The following CSMD1 variants were observed in gnomAD, a reference collection of about 807,000 sequenced individuals.
CSMD1 encodes the protein CUB and sushi domain-containing protein 1.
CSMD1 carries 213 observed loss-of-function variants against 417.5 expected under a neutral mutation model. The ratio of observed to expected loss-of-function variants is 0.51; its 90% CI spans 0.46 to 0.57. CSMD1 has a LOEUF of 0.57. Among genes scored for constraint, CSMD1 ranks in the 20% least tolerant of loss-of-function variants. CSMD1 has a pLI of 0.00. For synonymous variants in CSMD1, 2,862 were observed against 1,736.8 expected (o/e 1.65, Z -16.11); for missense variants, 6,923 against 4,529.7 (o/e 1.53, Z -15.17).
At chr8:4,796,161 G>T (rs1466706173) in intron 1 of CSMD1, among the ~76,000 whole-genome samples, 1 of 151,802 alleles carries the variant, frequency 6.6e-6, no homozygotes, top group Non-Finnish European at 1.5e-5. Context: ...CATCAAGGTG[G>T]TTTCGACAAT....
chr8:3,921,709 C>T (rs1448576102), intron 5 of CSMD1, among the ~76,000 whole-genome samples: 2 of 152,070 alleles, frequency 1.3e-5, no homozygotes, highest in Admixed American at 1.3e-4. Context: ...TTCCTCCTCT[C>T]CCTGATTTTA....
In CSMD1 at chr8:3,387,543, G is replaced by T. The variant is rs186256974; in HGVS notation, c.2733C>A (p.Leu911=). The T allele has an allele frequency of 1.9e-6, 3 of 1,602,322 alleles. No individual in the cohort carries two copies. Among genetic ancestry groups the T allele is most frequent in the Non-Finnish European group, 2.6e-6 (3 of 1,174,452 alleles). The change falls in exon 18 of 70, where the codon CTC becomes CTA. Residue 911 remains leucine, a synonymous_variant. Transcript: ENST00000635120. ...TCCACTGGTGGTTCCTCTCACAGAC[G>T]AGGGGCTCGTCGTCACTTAGTGTGT... ...PGYTLSDDEP[L]VCERNHQWNH...
chr8:3,921,713 G>A (rs796399488), intron 5 of CSMD1, among the ~76,000 whole-genome samples: 1 of 151,940 alleles, frequency 6.6e-6, no homozygotes, highest in Non-Finnish European at 1.5e-5. Flanking sequence ...TCCTCTCCCT[G>A]ATTTTAGTTT....
chr8:4,520,474 G>C (rs575316166), intron 2 of CSMD1, among the ~76,000 whole-genome samples: 1 of 152,154 alleles, frequency 6.6e-6, no homozygotes, highest in Admixed American at 6.5e-5. Flanking sequence ...ATAAGACATG[G>C]GAAGATGAAA....
intron 1 of CSMD1, among the ~76,000 whole-genome samples, chr8:4,876,495 G>C (rs954011151): frequency 1.2e-4 from 19 of 152,164 alleles, no homozygotes; most frequent in Admixed American, 3.3e-4. Context: ...GAATTAGATT[G>C]CTTTTAACAA....
intron 1 of CSMD1, among the ~76,000 whole-genome samples, chr8:4,646,011 A>G (rs1803494502): frequency 6.6e-6 from 1 of 152,194 alleles, no homozygotes; most frequent in African/African-American, 2.4e-5. Context: ...TTTATTCACG[A>G]TTCCCAGATC....
At chr8:3,292,439 C>T (rs574323780) in intron 25 of CSMD1, among the ~76,000 whole-genome samples, 1 of 152,120 alleles carries the variant, frequency 6.6e-6, no homozygotes, top group South Asian at 2.1e-4. Context: ...TTAAAGTCTC[C>T]CATTATTATT....
chr8:3,173,232 T>A (rs1324330987), intron 37 of CSMD1, among the ~76,000 whole-genome samples: 1 of 152,214 alleles, frequency 6.6e-6, no homozygotes, highest in Non-Finnish European at 1.5e-5. Flanking sequence ...TAGTTTTTTG[T>A]GTTACACTCA....
chr8:4,464,182 G>A (rs909465248), intron 2 of CSMD1, among the ~76,000 whole-genome samples: 1 of 152,044 alleles, frequency 6.6e-6, no homozygotes, highest in Non-Finnish European at 1.5e-5. Context: ...TCACTTACAG[G>A]ACTCTAATTT....
chr8:3,936,204 C>T (rs919959251), intron 5 of CSMD1, among the ~76,000 whole-genome samples: 1 of 149,360 alleles, frequency 6.7e-6, no homozygotes, highest in Non-Finnish European at 1.5e-5. Flanking sequence ...AAAAAGCCAT[C>T]TGCGTAACAT....
chr8:4,307,762 A>G (rs1798327440), intron 3 of CSMD1, among the ~76,000 whole-genome samples: 1 of 152,208 alleles, frequency 6.6e-6, no homozygotes, highest in Admixed American at 6.5e-5. Flanking sequence ...GAGTTTATCA[A>G]GGGTGGAATA....
In CSMD1 at chr8:4,652,142, G is replaced by A. The variant is rs560973526; in HGVS notation, c.86-14584C>T. Among the ~76,000 whole-genome samples the A allele has an allele frequency of 3.9e-5, 6 of 152,278 alleles. No homozygotes were observed. In the East Asian group the frequency reaches 7.7e-4, roughly 20 times the overall value. On this transcript the variant is annotated intron_variant, in intron 1 of 69. Transcript: ENST00000635120. ...AAGGAGATTAGGAGAGGCAGAGGAA[G>A]CAGCAATAAATTCTATTCCCAATTA...
intron 5 of CSMD1, among the ~76,000 whole-genome samples, chr8:3,984,002 C>T (rs1018088833): frequency 2.7e-5 from 4 of 148,280 alleles, no homozygotes; most frequent in Non-Finnish European, 4.6e-5. Flanking sequence ...CAGGGCAGAT[C>T]TGATGGGGCT....
At position 3,394,897 on chromosome 8, in the gene CSMD1, G is replaced by A. The variant is rs184180116; in HGVS notation, c.2593+1297C>T. The stretch of plus-strand genomic sequence containing the variant: ...ATTTGAAATTTGTCATTAAGTCATT[G>A]ATAAGCAATTTTCCTGATATTGGAA... On this transcript the variant is annotated intron_variant, in intron 17 of 69. Transcript: ENST00000635120. 3.6e-3 allele frequency among the ~76,000 whole-genome samples: 545 copies of A among 152,234 alleles called. 2 individuals carry two copies. The highest frequency in any genetic ancestry group is 0.012 in the African/African-American group (514 of 41,550).
At chr8:4,969,094 G>A (rs1810076960) in intron 1 of CSMD1, among the ~76,000 whole-genome samples, 1 of 152,062 alleles carries the variant, frequency 6.6e-6, no homozygotes, top group African/African-American at 2.4e-5. Context: ...TCACTGACCT[G>A]GTGGTTGCTT....
chr8:4,690,386 T>C, intron 1 of CSMD1, among the ~76,000 whole-genome samples: 1 of 152,188 alleles, frequency 6.6e-6, no homozygotes, highest in East Asian at 1.9e-4. Context: ...TGGGGGAATG[T>C]TGCTAACACA....
At chr8:3,457,524 A>G (rs1816231431) in intron 12 of CSMD1, among the ~76,000 whole-genome samples, 1 of 152,214 alleles carries the variant, frequency 6.6e-6, no homozygotes, top group African/African-American at 2.4e-5. Flanking sequence ...ACCGCATGCC[A>G]CGCCTGGCCG....
At chr8:4,749,923 A>C (rs1419506590) in intron 1 of CSMD1, among the ~76,000 whole-genome samples, 1 of 152,086 alleles carries the variant, frequency 6.6e-6, no homozygotes, top group African/African-American at 2.4e-5. Flanking sequence ...GTCAAGCGCC[A>C]CTAATAGAAA....
At chr8:4,471,246 G>C (rs1304662822) in intron 2 of CSMD1, among the ~76,000 whole-genome samples, 5 of 152,016 alleles carry the variant, frequency 3.3e-5, no homozygotes, top group Non-Finnish European at 7.4e-5. Flanking sequence ...TCACAAAATG[G>C]TGTCCTACTT....
Sources: gnomAD v4.1 joint callset for allele counts (sites outside exome capture counted in the v4.1 genomes callset) on GRCh38, gnomAD v4.1.1 for gene constraint, MANE v1.5 for transcripts, NCBI Gene and HGNC (gene_info 2026-07-23, HGNC 2026-07-21) for gene names.